Variants in GALNS observed in about 807,000 individuals in gnomAD.
The protein encoded by GALNS is N-acetylgalactosamine-6-sulfatase.
Under a neutral mutation model 65.9 loss-of-function variants are expected in GALNS, and 65 were observed. The ratio of observed to expected loss-of-function variants is 0.99; its 90% CI spans 0.81 to 1.21. The LOEUF is 1.21. Ranked by LOEUF, GALNS falls within the 50% of genes most tolerant of loss-of-function variation. GALNS has a pLI of 0.00. For missense variants in GALNS, 776 were observed against 700.7 expected (o/e 1.11, Z -1.21); for synonymous variants, 346 against 288.9 (o/e 1.20, Z -2.00).
chr16:88,820,955 G>T (rs1245652723), intron 12 of GALNS, among the ~76,000 whole-genome samples: 1 of 152,142 alleles, frequency 6.6e-6, no homozygotes, highest in Non-Finnish European at 1.5e-5. Context: ...GGGGGCTGTT[G>T]GCTCCTCAGT....
chr16:88,836,506 T>C (rs1251052988), intron 5 of GALNS, among the ~76,000 whole-genome samples: 1 of 152,038 alleles, frequency 6.6e-6, no homozygotes, highest in African/African-American at 2.4e-5. Flanking sequence ...ATACAAAAAT[T>C]AGCTGGGCGT....
rs762430743 is a variant in GALNS at position 88,841,074 on chromosome 16, C to A, written c.340G>T (p.Val114Leu). The A allele has an allele frequency of 6.2e-7, 1 of 1,613,188 alleles. No homozygotes were observed. The highest frequency in any genetic ancestry group is 1.7e-5 in the Admixed American group (1 of 60,030). ...TGCTCCGAGTCTGGGATGCCGCCCA[C>A]AATCTCCTGCGGTGTGTAGGCTGGA... is the stretch of plus-strand genomic sequence containing the variant. Reference protein sequence around the residue: ...ARNAYTPQEIVGGIPDSEQLL... With the variant: ...ARNAYTPQEILGGIPDSEQLL... Residue 114 changes from valine (V) to leucine (L), a missense_variant, in exon 4 of 14, where the codon GTG becomes TTG. Transcript: ENST00000268695.
At chr16:88,814,575 T>C in intron 13 of GALNS, 50 bp from the exon 14 acceptor site, 4 of 1,549,036 alleles carry the variant, frequency 2.6e-6, no homozygotes, top group East Asian at 2.4e-5. Context: ...CAAGCTCTTC[T>C]GGACCCAGCA....
intron 9 of GALNS, among the ~76,000 whole-genome samples, chr16:88,831,198 C>T (rs1317131555): frequency 6.6e-6 from 1 of 152,182 alleles, no homozygotes; most frequent in Non-Finnish European, 1.5e-5. Context: ...CGAGAGGGAC[C>T]TGGTTCCGAG....
intron 12 of GALNS, 57 bp from the exon 13 acceptor site, chr16:88,818,181 G>A (rs1488677705): frequency 7.2e-7 from 1 of 1,389,210 alleles, no homozygotes; most frequent in East Asian, 2.4e-5. Flanking sequence ...GACGGAGAGG[G>A]GCTGGCCTGG....
At chr16:88,855,309 C>G (rs754103019) in intron 1 of GALNS, 6 of 699,968 alleles carry the variant, frequency 8.6e-6, no homozygotes, top group Non-Finnish European at 1.6e-5. Context: ...TCCAGCGAAG[C>G]TATGCTGGCC....
At chr16:88,832,292 C>G (rs1057262140) in intron 8 of GALNS, among the ~76,000 whole-genome samples, 191 bp from the exon 9 acceptor site, 1 of 152,172 alleles carries the variant, frequency 6.6e-6, no homozygotes, top group South Asian at 2.1e-4. Context: ...GCTGCAAAGT[C>G]TCCTGGAGAA....
At chr16:88,815,023 G>A (rs1414208668) in intron 13 of GALNS, 66 of 985,272 alleles carry the variant, frequency 6.7e-5, no homozygotes, top group Admixed American at 2.5e-4. Context: ...GTGAGCCACC[G>A]CGCTTGGCCT....
chr16:88,840,804 G>A, intron 4 of GALNS, 188 bp downstream of exon 4: 1 of 638,722 alleles, frequency 1.6e-6, no homozygotes, highest in Non-Finnish European at 2.9e-6. Context: ...GGTGACCTGA[G>A]ATCCTGCTGG....
In GALNS at chr16:88,825,056, G is replaced by GGGGCTGGAGCTCCTGGGTGGCCA. The variant is rs796942675; in HGVS notation, c.1140-210_1140-188dup. Reference sequence around the variant, plus strand: ...CTGGGGCTGGGGTGCCTGGGCGGCCGGGGCTGGAGCTCCTGGGTGGCCAGG... The same window carrying GGGGCTGGAGCTCCTGGGTGGCCA: ...CTGGGGCTGGGGTGCCTGGGCGGCCGGGGCTGGAGCTCCTGGGTGGCCAGGGCTGGAGCTCCTGGGTGGCCAGG... On this transcript the variant is annotated intron_variant, in intron 10 of 13. Transcript: ENST00000268695. Among the ~76,000 whole-genome samples, 13,962 of 144,838 alleles carry GGGGCTGGAGCTCCTGGGTGGCCA rather than the reference G, an allele frequency of 0.096. 1,237 individuals are homozygous for GGGGCTGGAGCTCCTGGGTGGCCA. Among genetic ancestry groups the GGGGCTGGAGCTCCTGGGTGGCCA allele is most frequent in the African/African-American group, 0.23 (8,547 of 37,734 alleles).
intron 12 of GALNS, among the ~76,000 whole-genome samples, chr16:88,820,652 G>A (rs1050304644): frequency 2.0e-5 from 3 of 152,358 alleles, no homozygotes; most frequent in East Asian, 3.9e-4. Flanking sequence ...CTGTGAGGGC[G>A]GGGCTGGGTG....
At chr16:88,847,831 A>G (rs1157355560) in intron 1 of GALNS, among the ~76,000 whole-genome samples, 1 of 152,248 alleles carries the variant, frequency 6.6e-6, no homozygotes, top group Non-Finnish European at 1.5e-5. Flanking sequence ...GCCGCCCGGC[A>G]GCGCCTCCCT....
chr16:88,814,604 T>G, intron 13 of GALNS, 79 bp from the exon 14 acceptor site: 1 of 1,545,220 alleles, frequency 6.5e-7, no homozygotes. Context: ...CATTTTGTTG[T>G]TGCTGTTCTG....
At chr16:88,850,982 T>C (rs758256926) in intron 1 of GALNS, among the ~76,000 whole-genome samples, 2 of 152,206 alleles carry the variant, frequency 1.3e-5, no homozygotes, top group Non-Finnish European at 2.9e-5. Flanking sequence ...CTCCCACACA[T>C]GTGCCTTCTG....
intron 9 of GALNS, among the ~76,000 whole-genome samples, chr16:88,827,415 G>C (rs148866116): frequency 6.6e-6 from 1 of 152,322 alleles, no homozygotes; most frequent in African/African-American, 2.4e-5. Flanking sequence ...GTGCCATCTG[G>C]CTTCCCTCAG....
chr16:88,840,921 A>G (rs1263970808), intron 4 of GALNS, 71 bp downstream of exon 4: 9 of 1,207,940 alleles, frequency 7.5e-6, no homozygotes, highest in Non-Finnish European at 9.9e-6. Context: ...ACTTGTGGCC[A>G]TGTCCCTTGG....
Position 88,835,659 on chromosome 16 carries a change from C to T in GALNS, c.758+66G>A, listed in dbSNP as rs1464829858. On this transcript the variant is annotated intron_variant, in intron 7 of 13. Transcript: ENST00000268695. ...CTAAATGCCACGGTACTGAGTGTCC[C>T]ATCTCTGGAGTCAAGCACAGCTGGG... The T allele has an allele frequency of 2.5e-6, 4 of 1,608,636 alleles. No individual in the cohort carries two copies. The Admixed American group carries it at 5.0e-5, about 20-fold the overall frequency.
intron 13 of GALNS, chr16:88,816,206 C>T (rs1909607465): frequency 1.0e-6 from 1 of 985,474 alleles, no homozygotes; most frequent in Non-Finnish European, 1.2e-6. Context: ...GGCAGCCAGG[C>T]TGTGTGCGCC....
In GALNS at chr16:88,837,721, A is replaced by C. The variant is rs1301146300; in HGVS notation, c.467T>G (p.Phe156Cys). 25 of 1,613,998 alleles carry C rather than the reference A, an allele frequency of 1.5e-5. No homozygotes were observed. Among genetic ancestry groups the C allele is most frequent in the Non-Finnish European group, 2.1e-5 (25 of 1,180,002 alleles). The stretch of plus-strand genomic sequence containing the variant: ...GTTGGGGGATCCAAACCACTCATCA[A>C]ATCCGTGCTTCAGGGGGTGGAACTG... ...RPQFHPLKHG[F>C]DEWFGSPNCH... Residue 156 changes from phenylalanine (F) to cysteine (C), a missense_variant, in exon 5 of 14, where the codon TTT (phenylalanine) becomes TGT (cysteine). Phe to Cys is a radical substitution (Grantham distance 205). Transcript: ENST00000268695.
Sources: allele counts gnomAD v4.1 joint callset (sites outside exome capture counted in the v4.1 genomes callset), GRCh38; gene constraint gnomAD v4.1.1; transcripts MANE v1.5; gene names NCBI Gene and HGNC (gene_info 2026-07-23, HGNC 2026-07-21).